Variants in PER2 observed in about 807,000 individuals in gnomAD.
PER2 encodes period circadian protein homolog 2.
In PER2, 66 loss-of-function variants were observed where a neutral mutation model predicts 121.0. The observed-to-expected ratio is 0.55, with a 90% CI of 0.45 to 0.67. PER2 has a LOEUF of 0.67. PER2 is among the 30% of genes least tolerant of loss of function. PER2 has a pLI of 0.00. For missense variants in PER2, 1,521 were observed against 1,635.0 expected (o/e 0.93, Z 1.20); for synonymous variants, 684 against 659.9 (o/e 1.04, Z -0.56).
chr2:238,251,144 G>A (rs1695586454), intron 20 of PER2, among the ~76,000 whole-genome samples: 1 of 152,240 alleles, frequency 6.6e-6, no homozygotes, highest in South Asian at 2.1e-4. Flanking sequence ...GAAGGGAGGC[G>A]AGGTGAAAGC....
chr2:238,277,300 A>G, intron 2 of PER2, 107 bp from the exon 3 acceptor site: 1 of 816,616 alleles, frequency 1.2e-6, no homozygotes, highest in African/African-American at 1.7e-5. Context: ...CCATGGTAAG[A>G]CAATTTTTTA....
chr2:238,265,465 C>T, intron 9 of PER2, 47 bp downstream of exon 9: 1 of 1,240,716 alleles, frequency 8.1e-7, no homozygotes, highest in Non-Finnish European at 1.2e-6. Flanking sequence ...GGCTAAATAG[C>T]TTTTATATCA....
At position 238,257,100 on chromosome 2, in the gene PER2, AG is replaced by A. The variant is rs375542532; in HGVS notation, c.1901-15del. On this transcript the variant is annotated splice_polypyrimidine_tract_variant and intron_variant, in intron 16 of 22. Coordinates refer to ENST00000254657, the MANE Select transcript of PER2 (RefSeq NM_022817.3). ...GCGGCTCTGCCTCTTCATGAGAGGA[AG>A]GGGGAACAAACATTAGTGTGTCATT... is the stretch of plus-strand genomic sequence containing the variant. 5 of 1,608,922 alleles carry A rather than the reference AG, an allele frequency of 3.1e-6. No homozygotes were observed. Among genetic ancestry groups the A allele is most frequent in the Middle Eastern group, 1.7e-4 (1 of 5,816 alleles).
At chr2:238,293,666 C>T (rs752083989), upstream of PER2, among the ~76,000 whole-genome samples, 15 of 148,776 alleles carry the variant, frequency 1.0e-4, no homozygotes, top group Non-Finnish European at 1.9e-4. Flanking sequence ...ACCCAGGAGG[C>T]AGAGGCTGCA....
rs1052270157 is a variant in PER2, at chr2:238,268,635, C to G, written c.824+288G>C. 6.6e-6 allele frequency among the ~76,000 whole-genome samples: 1 copy of G among 152,216 alleles called. No individual in the cohort carries two copies. The highest frequency in any genetic ancestry group is 2.4e-5 in the African/African-American group (1 of 41,454). On this transcript the variant is annotated intron_variant, in intron 7 of 22. Coordinates refer to ENST00000254657, the MANE Select transcript of PER2 (RefSeq NM_022817.3). This position sits in a 1 kb window ranked among gnomAD's most constrained non-coding sequence, Gnocchi z 4.0. Reference sequence around the variant, plus strand: ...GAAAAACGCACAGACAACCAAAAGACGCAGTGCTTTCAGAAACTCTGTCGA... The same window carrying G: ...GAAAAACGCACAGACAACCAAAAGAGGCAGTGCTTTCAGAAACTCTGTCGA...
chr2:238,274,065 C>T (rs534559336), intron 4 of PER2, among the ~76,000 whole-genome samples: 1 of 152,334 alleles, frequency 6.6e-6, no homozygotes, highest in South Asian at 2.1e-4. Flanking sequence ...CATCAGACAC[C>T]CCCATCCAGG....
In PER2 at chr2:238,277,762, C is replaced by T; in HGVS notation, c.175G>A (p.Asp59Asn). Residue 59 changes from aspartate to asparagine, a missense_variant, in exon 2 of 23, where the codon GAC becomes AAC. By Grantham distance (23) the Asp-to-Asn change is conservative. Coordinates refer to ENST00000254657, the MANE Select transcript of PER2 (RefSeq NM_022817.3). ...TGRDSQGSDC[D>N]DSGKELGMLV... Reference sequence around the variant, plus strand: ...ATCCCCAGCTCCTTCCCACTGTCGTCACAGTCACTGCCCTGCGAGTCCCGC... The same window carrying T: ...ATCCCCAGCTCCTTCCCACTGTCGTTACAGTCACTGCCCTGCGAGTCCCGC... 1 of 1,614,206 alleles carries T rather than the reference C, an allele frequency of 6.2e-7. No individual in the cohort carries two copies. Among genetic ancestry groups the T allele is most frequent in the Non-Finnish European group, 8.5e-7 (1 of 1,180,038 alleles).
At chr2:238,281,411 G>A (rs1288131735) in intron 1 of PER2, among the ~76,000 whole-genome samples, 1 of 152,168 alleles carries the variant, frequency 6.6e-6, no homozygotes, top group Non-Finnish European at 1.5e-5. Flanking sequence ...TCAACATCCT[G>A]AGTCACATAA....
At chr2:238,266,288 CT>C (rs1164812441) in intron 8 of PER2, among the ~76,000 whole-genome samples, 583 of 140,304 alleles carry the variant, frequency 4.2e-3, no homozygotes, top group Middle Eastern at 7.4e-3. Context: ...ATTCAAATTT[CT>C]TTTTTTTTTT....
chr2:238,289,252 T>G (rs927578617), upstream of PER2: 35 of 152,294 alleles, frequency 2.3e-4, no homozygotes, highest in Admixed American at 4.6e-4. Flanking sequence ...CGCGGGAAAG[T>G]CCGCGCGGCA....
At chr2:238,274,686 G>A (rs1045247141) in intron 4 of PER2, among the ~76,000 whole-genome samples, 3 of 152,198 alleles carry the variant, frequency 2.0e-5, no homozygotes, top group Admixed American at 1.3e-4. Flanking sequence ...CCACAGGCAC[G>A]CAGGCCCAGA....
chr2:238,255,549 T>C, intron 18 of PER2, 108 bp downstream of exon 18: 2 of 1,151,120 alleles, frequency 1.7e-6, no homozygotes, highest in Non-Finnish European at 1.3e-6. Context: ...TCTTATATGT[T>C]AATGCTTCTG....
In PER2 at chr2:238,270,918, A is replaced by AC. The variant is rs1251113970; in HGVS notation, c.772+393dup. 3.9e-5 allele frequency among the ~76,000 whole-genome samples: 6 copies of AC among 152,282 alleles called. No individual in the cohort carries two copies. In the East Asian group the frequency reaches 1.2e-3, roughly 29 times the overall value. On this transcript the variant is annotated intron_variant, in intron 6 of 22. Transcript: ENST00000254657. ...CCTCAGGAAGTCACTCTGGGATATG[A>AC]CCCACTCACTGGTTGCAGCTGCTAA...
the PER2 span, chr2:238,295,309 CCTT>C: frequency 7.5e-4 from 92 of 122,272 alleles, 1 homozygote; most frequent in East Asian, 3.1e-3. Flanking sequence ...TTCTCCTTCT[CCTT>C]CTTCTTCTTC....
chr2:238,285,221 C>G (rs1665519164), intron 1 of PER2, among the ~76,000 whole-genome samples: 1 of 151,998 alleles, frequency 6.6e-6, no homozygotes, highest in South Asian at 2.1e-4. Flanking sequence ...GCTCGGACCC[C>G]TGACCAGGTC....
At chr2:238,260,743 G>T in intron 13 of PER2, 85 bp downstream of exon 13, 1 of 1,512,752 alleles carries the variant, frequency 6.6e-7, no homozygotes, top group Non-Finnish European at 9.2e-7. Flanking sequence ...CCTCCTAACT[G>T]CCAAAGGTTG....
chr2:238,271,474 T>G lies in PER2; in HGVS notation c.610A>C (p.Ile204Leu), dbSNP rs1280712576. 2 of 1,613,946 alleles carry G rather than the reference T, an allele frequency of 1.2e-6. No homozygotes were observed. Among genetic ancestry groups the G allele is most frequent in the Non-Finnish European group, 1.7e-6 (2 of 1,179,964 alleles). The change falls in exon 6 of 23, where the codon ATC (isoleucine) becomes CTC (leucine). Residue 204 changes from isoleucine (I) to leucine (L), a missense_variant. Transcript: ENST00000254657. ...AVAVSLVSGK[I>L]LYISDQVASI... ...GCAACCTGGTCAGAGATGTACAGGA[T>G]CTTCCCAGACACCAGGGACACGGCC...
the PER2 span, chr2:238,298,761 C>T: frequency 6.6e-6 from 1 of 152,224 alleles, no homozygotes; most frequent in East Asian, 1.9e-4. Flanking sequence ...GAGAGCAAGG[C>T]ATTGGGTGGT....
chr2:238,271,415 G>A lies in PER2; in HGVS notation c.669C>T (p.Ser223=), dbSNP rs781719193. 4.2e-5 allele frequency: 67 copies of A among 1,613,708 alleles called. No individual in the cohort carries two copies. Among genetic ancestry groups the A allele is most frequent in the Admixed American group, 4.0e-4 (24 of 60,008 alleles). Residue 223 remains serine, a synonymous_variant, in exon 6 of 23, where the codon AGC becomes AGT. Transcript: ENST00000254657. The part of the protein sequence containing the change: ...SIFHCKRDAF[S]DAKFVEFLAP... ...CCAGGAACTCCACAAACTTGGCATC[G>A]CTGAAGGCATCTCTTTTACAGTGAA... is the stretch of plus-strand genomic sequence containing the variant.
Sources: allele counts gnomAD v4.1 joint callset (sites outside exome capture counted in the v4.1 genomes callset), GRCh38; gene constraint gnomAD v4.1.1; non-coding constraint Gnocchi (gnomAD v3.1); transcripts MANE v1.5; gene names NCBI Gene and HGNC (gene_info 2026-07-23, HGNC 2026-07-21).